The following SLCO5A1 variants were observed in gnomAD, a reference collection of about 807,000 sequenced individuals.
SLCO5A1 encodes organic anion transporter polypeptide-related protein 4.
A neutral mutation model predicts 65.1 loss-of-function variants in SLCO5A1; 39 were observed. The observed-to-expected ratio is 0.60, with a 90% CI of 0.46 to 0.78. SLCO5A1 has a LOEUF of 0.78. SLCO5A1 is among the 30% of genes least tolerant of loss of function. The pLI is 0.00. For synonymous variants in SLCO5A1, 438 were observed against 415.7 expected (o/e 1.05, Z -0.65); for missense variants, 1,029 against 1,069.4 (o/e 0.96, Z 0.53).
intron 6 of SLCO5A1, among the ~76,000 whole-genome samples, chr8:69,688,575 G>T (rs1466726380): frequency 7.2e-6 from 1 of 137,998 alleles, no homozygotes; most frequent in Non-Finnish European, 1.6e-5. Flanking sequence ...CTATGAGTGA[G>T]AACATGCGGT....
At chr8:69,784,962 GAAGAAAGAAAGAGAAAGA>G (rs1818992035) in intron 2 of SLCO5A1, among the ~76,000 whole-genome samples, 1 of 126,568 alleles carries the variant, frequency 7.9e-6, no homozygotes, top group Non-Finnish European at 1.7e-5. Context: ...AGAAAGGAAG[GAAGAAAGAAAGAGAAAGA>G]AAGAAAGAAA....
At chr8:69,774,275 T>C (rs1818469243) in intron 2 of SLCO5A1, among the ~76,000 whole-genome samples, 1 of 152,196 alleles carries the variant, frequency 6.6e-6, no homozygotes, top group Admixed American at 6.5e-5. Flanking sequence ...CCTGTTGCAG[T>C]GAGCATCTCT....
chr8:69,761,697 A>G, intron 3 of SLCO5A1, 46 bp downstream of exon 3: 1 of 1,590,160 alleles, frequency 6.3e-7, no homozygotes, highest in Non-Finnish European at 8.5e-7. Context: ...GACTTTAACT[A>G]TTATTAGTAA....
intron 2 of SLCO5A1, among the ~76,000 whole-genome samples, chr8:69,776,436 T>C (rs536484715): frequency 3.7e-4 from 57 of 152,336 alleles, no homozygotes; most frequent in African/African-American, 1.3e-3. Context: ...CTTAGACCTG[T>C]AATCTCAGCA....
chr8:69,741,033 C>A (rs1816769396), intron 4 of SLCO5A1, among the ~76,000 whole-genome samples: 1 of 152,218 alleles, frequency 6.6e-6, no homozygotes, highest in Non-Finnish European at 1.5e-5. Flanking sequence ...CACACATTCC[C>A]AGCTGAGGTG....
intron 5 of SLCO5A1, among the ~76,000 whole-genome samples, chr8:69,708,613 C>G (rs1382809674): frequency 6.6e-6 from 1 of 151,160 alleles, no homozygotes; most frequent in African/African-American, 2.4e-5. Flanking sequence ...CATAGAAAAC[C>G]AAGGAGAGAG....
chr8:69,827,041 G>T (rs993848867), intron 2 of SLCO5A1, among the ~76,000 whole-genome samples: 6 of 150,532 alleles, frequency 4.0e-5, no homozygotes, highest in South Asian at 2.1e-4. Flanking sequence ...GTAAACTATC[G>T]CAAGAACAAG....
intron 4 of SLCO5A1, among the ~76,000 whole-genome samples, chr8:69,749,068 C>A (rs1173187685): frequency 6.6e-6 from 1 of 152,148 alleles, no homozygotes. Context: ...GCACAGGGCC[C>A]AGGCATGTAG....
chr8:69,680,938 T>C (rs1284840023), intron 7 of SLCO5A1, among the ~76,000 whole-genome samples: 1 of 152,052 alleles, frequency 6.6e-6, no homozygotes, highest in African/African-American at 2.4e-5. Context: ...GAAGCAGTCA[T>C]AAGAAAAAGT....
intron 3 of SLCO5A1, among the ~76,000 whole-genome samples, chr8:69,759,028 C>A (rs1489141292): frequency 6.6e-6 from 1 of 152,146 alleles, no homozygotes; most frequent in Non-Finnish European, 1.5e-5. Flanking sequence ...CCAGTGACTA[C>A]CTATGGTTGT....
At chr8:69,779,599 C>T (rs558833784) in intron 2 of SLCO5A1, among the ~76,000 whole-genome samples, 1 of 152,222 alleles carries the variant, frequency 6.6e-6, no homozygotes, top group Non-Finnish European at 1.5e-5. Flanking sequence ...GCCATCAACA[C>T]TAACAACCTT....
intron 6 of SLCO5A1, among the ~76,000 whole-genome samples, chr8:69,698,785 C>T (rs996147714): frequency 7.2e-5 from 11 of 152,236 alleles, no homozygotes; most frequent in Non-Finnish European, 1.2e-4. Context: ...AATATGCTCA[C>T]AGGCTCAGAA....
chr8:69,783,224 T>C (rs114126525), intron 2 of SLCO5A1, among the ~76,000 whole-genome samples: 2,839 of 152,164 alleles, frequency 0.019, 82 homozygotes, highest in African/African-American at 0.064. Context: ...CAAAAAAATA[T>C]AGAAAGAATG....
chr8:69,749,076 T>C (rs993535015), intron 4 of SLCO5A1, among the ~76,000 whole-genome samples: 5 of 152,220 alleles, frequency 3.3e-5, no homozygotes, highest in Non-Finnish European at 5.9e-5. Context: ...CCCAGGCATG[T>C]AGCTTTTAGT....
rs1000935790 is a variant in SLCO5A1, at chr8:69,704,719, T to C, written c.1622+312A>G. Among the ~76,000 whole-genome samples, 3 of 152,222 alleles carry C rather than the reference T, an allele frequency of 2.0e-5. No individual in the cohort carries two copies. In the East Asian group the frequency reaches 5.8e-4, roughly 29 times the overall value. On this transcript the variant is annotated intron_variant, in intron 6 of 9. Coordinates refer to ENST00000260126, the MANE Select transcript of SLCO5A1 (RefSeq NM_030958.3). ...TATGTTTTTGAGCTACAGAAACACA[T>C]ATTCCCTATTAAAACATTATAATAA...
chr8:69,816,452 G>A (rs903955492), intron 2 of SLCO5A1, among the ~76,000 whole-genome samples: 4 of 152,138 alleles, frequency 2.6e-5, no homozygotes, highest in Admixed American at 6.6e-5. Flanking sequence ...GAGGGGGATC[G>A]GGCAGCTGTG....
intron 2 of SLCO5A1, among the ~76,000 whole-genome samples, chr8:69,786,659 CACA>C (rs1412875382): frequency 1.2e-4 from 18 of 152,136 alleles, no homozygotes; most frequent in Non-Finnish European, 1.6e-4. Context: ...CACACACACA[CACA>C]ACAACAACTT....
At chr8:69,739,839 T>C (rs532334143) in intron 4 of SLCO5A1, among the ~76,000 whole-genome samples, 1 of 152,274 alleles carries the variant, frequency 6.6e-6, no homozygotes, top group East Asian at 1.9e-4. Context: ...AAATGTCATA[T>C]CCAAAATTTA....
At chr8:69,718,104 A>G (rs1815641243) in intron 5 of SLCO5A1, among the ~76,000 whole-genome samples, 1 of 152,118 alleles carries the variant, frequency 6.6e-6, no homozygotes, top group Non-Finnish European at 1.5e-5. Flanking sequence ...TAAGTTTTAC[A>G]TTTCTTTTGT....
Sources: allele counts gnomAD v4.1 joint callset (sites outside exome capture counted in the v4.1 genomes callset), GRCh38; gene constraint gnomAD v4.1.1; transcripts MANE v1.5; gene names NCBI Gene and HGNC (gene_info 2026-07-23, HGNC 2026-07-21).